The following DEPTOR variants were observed in gnomAD, a reference collection of about 807,000 sequenced individuals.
DEPTOR encodes DEP domain-containing mTOR-interacting protein.
DEPTOR carries 41 observed loss-of-function variants against 41.6 expected under a neutral mutation model. The ratio of observed to expected loss-of-function variants is 0.98; its 90% CI spans 0.77 to 1.28. The LOEUF (loss-of-function observed/expected upper bound fraction) is 1.28. Among genes scored for constraint, DEPTOR ranks in the 50% most tolerant of loss-of-function variants. The probability of loss-of-function intolerance (pLI) is 0.00; values close to 1 mark genes in which losing one functional copy is unlikely to be tolerated. For missense variants in DEPTOR, 514 were observed against 527.9 expected (o/e 0.97, Z 0.26); for synonymous variants, 195 against 192.3 (o/e 1.01, Z -0.12).
intron 8 of DEPTOR, among the ~76,000 whole-genome samples, chr8:120,040,370 A>T (rs1433413046): frequency 6.6e-6 from 1 of 151,668 alleles, no homozygotes; most frequent in Admixed American, 6.6e-5. Context: ...AGGTCGGGAG[A>T]TCAAGACCAT....
At chr8:120,020,155 T>C (rs988092778) in intron 8 of DEPTOR, among the ~76,000 whole-genome samples, 1 of 152,188 alleles carries the variant, frequency 6.6e-6, no homozygotes, top group Non-Finnish European at 1.5e-5. Context: ...TGGCATGATC[T>C]TGGCTCACTG....
chr8:119,941,980 G>A (rs1454528935), intron 3 of DEPTOR, among the ~76,000 whole-genome samples: 1 of 152,138 alleles, frequency 6.6e-6, no homozygotes, highest in African/African-American at 2.4e-5. Flanking sequence ...CTGTCACTTG[G>A]CTCATGCCAA....
At chr8:119,888,942 T>C (rs1411148252) in intron 1 of DEPTOR, among the ~76,000 whole-genome samples, 2 of 151,146 alleles carry the variant, frequency 1.3e-5, no homozygotes, top group Non-Finnish European at 2.9e-5. Flanking sequence ...TGAAGGGGTG[T>C]ATATCATATA....
intron 4 of DEPTOR, 36 bp from the exon 5 acceptor site, chr8:120,001,489 A>G (rs1318249337): frequency 5.8e-6 from 9 of 1,562,246 alleles, no homozygotes; most frequent in East Asian, 2.3e-5. Context: ...AGGATGCCAG[A>G]TAGTCCTCAT....
intron 4 of DEPTOR, among the ~76,000 whole-genome samples, chr8:119,988,721 G>A (rs562832962): frequency 2.6e-5 from 4 of 152,228 alleles, no homozygotes; most frequent in African/African-American, 4.8e-5. Context: ...GACCTCAAGC[G>A]AACTGCCCGC....
At chr8:119,923,882 CTTTTTTCTTTCTTTT>C (rs1827929274) in intron 1 of DEPTOR, among the ~76,000 whole-genome samples, 2 of 109,584 alleles carry the variant, frequency 1.8e-5, no homozygotes. Context: ...CCTTTCTTTT[CTTTTTTCTTTCTTTT>C]TTTTTTTTGG....
chr8:119,955,013 C>A (rs991434080), intron 3 of DEPTOR, among the ~76,000 whole-genome samples: 2 of 152,094 alleles, frequency 1.3e-5, no homozygotes, highest in African/African-American at 4.8e-5. Context: ...TGCCCGCCAC[C>A]ACACTTGGCT....
chr8:119,956,540 C>T (rs1385343109), intron 3 of DEPTOR, among the ~76,000 whole-genome samples: 1 of 152,146 alleles, frequency 6.6e-6, no homozygotes, highest in Non-Finnish European at 1.5e-5. Flanking sequence ...ACCCCATCCA[C>T]TGGCCCTCCC....
At chr8:119,901,412 C>T (rs1044141478) in intron 1 of DEPTOR, among the ~76,000 whole-genome samples, 10 of 152,120 alleles carry the variant, frequency 6.6e-5, no homozygotes, top group Non-Finnish European at 1.3e-4. Context: ...CGTGGTGGCT[C>T]ACACCTGTAA....
At chr8:119,900,176 C>T (rs953294654) in intron 1 of DEPTOR, among the ~76,000 whole-genome samples, 5 of 151,414 alleles carry the variant, frequency 3.3e-5, no homozygotes, top group African/African-American at 9.7e-5. Flanking sequence ...AAATATTAGC[C>T]AGGCGTGGTG....
intron 1 of DEPTOR, among the ~76,000 whole-genome samples, chr8:119,883,204 G>A (rs1207950706): frequency 8.5e-5 from 13 of 152,064 alleles, no homozygotes; most frequent in Admixed American, 7.9e-4. Context: ...GCCGGGCGCG[G>A]TGGCTCACCC....
chr8:119,979,777 G>A (rs763474811), intron 4 of DEPTOR, among the ~76,000 whole-genome samples: 8 of 152,166 alleles, frequency 5.3e-5, no homozygotes, highest in Non-Finnish European at 7.3e-5. Flanking sequence ...TGGGGAAGGG[G>A]TGGGTGTTGG....
intron 8 of DEPTOR, among the ~76,000 whole-genome samples, chr8:120,035,325 A>AAAAGAAAG (rs10584339): frequency 2.0e-5 from 3 of 151,258 alleles, no homozygotes; most frequent in Admixed American, 6.6e-5. Flanking sequence ...GCCCAGAAAA[A>AAAAGAAAG]AAAGAAAGAA....
intron 1 of DEPTOR, among the ~76,000 whole-genome samples, chr8:119,893,895 T>C (rs934422999): frequency 2.0e-5 from 3 of 152,184 alleles, no homozygotes; most frequent in African/African-American, 7.2e-5. Flanking sequence ...AGAAAACTTC[T>C]AGTGGCCAGA....
intron 4 of DEPTOR, among the ~76,000 whole-genome samples, chr8:119,975,693 G>A (rs571548908): frequency 6.6e-6 from 1 of 152,100 alleles, no homozygotes; most frequent in African/African-American, 2.4e-5. Flanking sequence ...AGCAGGATGA[G>A]GGGTGGAGTG....
intron 1 of DEPTOR, among the ~76,000 whole-genome samples, chr8:119,879,798 T>C (rs1827275956): frequency 1.3e-5 from 2 of 151,782 alleles, no homozygotes; most frequent in South Asian, 4.2e-4. Flanking sequence ...TCACCTGAGG[T>C]TGGGAGTTCA....
At chr8:119,927,919 T>C (rs1827983263) in intron 1 of DEPTOR, among the ~76,000 whole-genome samples, 3 of 152,122 alleles carry the variant, frequency 2.0e-5, no homozygotes, top group Admixed American at 2.0e-4. Context: ...ATGTCTGTAG[T>C]GCCTAGAAGT....
In DEPTOR at chr8:119,941,415, T is replaced by C. The variant is rs1171849591; in HGVS notation, c.425+11477T>C. On this transcript the variant is annotated intron_variant, in intron 3 of 8. Coordinates refer to ENST00000286234, the MANE Select transcript of DEPTOR (RefSeq NM_022783.4). ...AAAAAAAAGGTTAGAATGGTAAATT[T>C]TATGTTGTGTATATTTTACCACAAT... Among the ~76,000 whole-genome samples, 5 of 151,318 alleles carry C rather than the reference T, an allele frequency of 3.3e-5. No individual in the cohort carries two copies. The South Asian group carries it at 1.0e-3, about 32-fold the overall frequency.
intron 8 of DEPTOR, among the ~76,000 whole-genome samples, chr8:120,031,959 C>T (rs1812898401): frequency 6.6e-6 from 1 of 152,106 alleles, no homozygotes; most frequent in African/African-American, 2.4e-5. Flanking sequence ...GCTGAGGCTT[C>T]TCCCTGTTAG....
Sources: gnomAD v4.1 joint callset for allele counts (sites outside exome capture counted in the v4.1 genomes callset) on GRCh38, gnomAD v4.1.1 for gene constraint, MANE v1.5 for transcripts, NCBI Gene and HGNC (gene_info 2026-07-23, HGNC 2026-07-21) for gene names.